Variants in CASP6 observed in about 807,000 individuals in gnomAD.
CASP6 encodes the protein caspase-6.
Under a neutral mutation model 31.8 loss-of-function variants are expected in CASP6, and 20 were observed. The ratio of observed to expected loss-of-function variants is 0.63; its 90% CI spans 0.44 to 0.91. The LOEUF (loss-of-function observed/expected upper bound fraction) is 0.91. Ranked by LOEUF, CASP6 falls within the 40% of genes least tolerant of loss-of-function variation. The pLI is 0.00. For synonymous variants in CASP6, 130 were observed against 127.8 expected, an observed-to-expected ratio of 1.02 and a Z score of -0.12; for missense variants, 328 against 361.1, an observed-to-expected ratio of 0.91 and a Z score of 0.74.
At chr4:109,687,864 A>G (rs898466112), downstream of CASP6, 2 of 390,264 alleles carry the variant, frequency 5.1e-6, no homozygotes, top group South Asian at 6.5e-5. Flanking sequence ...TTTATTCTCT[A>G]TGTGGAGGTG....
At chr4:109,669,537 C>T in the CASP6 span, among the ~76,000 whole-genome samples, 1 of 152,018 alleles carries the variant, frequency 6.6e-6, no homozygotes, top group African/African-American at 2.4e-5. Context: ...CTCTGAGCTT[C>T]CTGGATCTGT....
chr4:109,681,765 G>A, the CASP6 span, among the ~76,000 whole-genome samples: 2 of 152,208 alleles, frequency 1.3e-5, no homozygotes, highest in Non-Finnish European at 2.9e-5. Context: ...TGCTGGATCC[G>A]GAAGAATGTA....
upstream of CASP6, among the ~76,000 whole-genome samples, chr4:109,704,028 T>C (rs1730524302): frequency 6.6e-6 from 1 of 152,186 alleles, no homozygotes; most frequent in Non-Finnish European, 1.5e-5. Context: ...TGAACCGCGC[T>C]CATAAAGGAA....
the CASP6 span, chr4:109,682,628 T>C: frequency 0.67 from 1,079,502 of 1,611,688 alleles, 363,821 homozygotes; most frequent in African/African-American, 0.82. Flanking sequence ...ACATGAAATC[T>C]TTGGTTCACA....
At chr4:109,696,315 C>G in intron 4 of CASP6, 95 bp downstream of exon 4, 1 of 860,962 alleles carries the variant, frequency 1.2e-6, no homozygotes, top group Middle Eastern at 2.4e-4. Context: ...CTTTTTTTGT[C>G]ACACAAGTAA....
chr4:109,690,959 T>G lies in CASP6; in HGVS notation c.534A>C (p.Val178=). 1 of 1,613,954 alleles carries G rather than the reference T, an allele frequency of 6.2e-7. No individual in the cohort carries two copies. Among genetic ancestry groups the G allele is most frequent in the South Asian group, 1.1e-5 (1 of 91,020 alleles). Residue 178 remains valine, a synonymous_variant, in exon 6 of 7, where the codon GTA becomes GTC. Transcript: ENST00000265164. ...HDVPVIPLDV[V]DNQTEKLDTN... ...TGTCCAACTTCTCTGTCTGATTATC[T>G]ACTACATCCAAAGGAATGACTGGCA...
At chr4:109,682,590 A>G in the CASP6 span, 3 of 1,603,552 alleles carry the variant, frequency 1.9e-6, no homozygotes, top group Non-Finnish European at 2.6e-6. Flanking sequence ...AGAAAAACCA[A>G]GTAATGAGCA....
upstream of CASP6, among the ~76,000 whole-genome samples, chr4:109,706,144 TATATATATATATATATATATATATATAC>T (rs1359587182): frequency 2.5e-5 from 2 of 81,562 alleles, no homozygotes; most frequent in Non-Finnish European, 2.1e-5. Context: ...TATATATATA[TATATATATATATATATATATATATATAC>T]ACACACACAT....
intron 3 of CASP6, 128 bp from the exon 4 acceptor site, chr4:109,696,614 A>G: frequency 5.1e-6 from 3 of 592,116 alleles, no homozygotes; most frequent in Non-Finnish European, 8.9e-6. Context: ...AAAGAAATGA[A>G]ATATAACAAT....
chr4:109,679,032 C>T, the CASP6 span, among the ~76,000 whole-genome samples: 153 of 149,384 alleles, frequency 1.0e-3, no homozygotes, highest in Non-Finnish European at 1.9e-3. Context: ...TGGGCAGAGG[C>T]GCTCCTCTCT....
chr4:109,705,993 AAAAAAAAAATATATATAT>A (rs1191854595), upstream of CASP6, among the ~76,000 whole-genome samples: 88 of 67,816 alleles, frequency 1.3e-3, no homozygotes, highest in Middle Eastern at 5.9e-3. Context: ...AAAAAAAAAA[AAAAAAAAAATATATATAT>A]ATATATATAT....
At chr4:109,683,414 T>C in the CASP6 span, among the ~76,000 whole-genome samples, 1 of 152,172 alleles carries the variant, frequency 6.6e-6, no homozygotes, top group Non-Finnish European at 1.5e-5. Context: ...GAGGGACTTG[T>C]TTGGTTTTTT....
intron 1 of CASP6, among the ~76,000 whole-genome samples, chr4:109,699,169 C>A (rs187334913): frequency 2.8e-4 from 42 of 152,294 alleles, no homozygotes; most frequent in African/African-American, 1.0e-3. Context: ...ACAATAAAGG[C>A]CCCATCCACT....
chr4:109,681,597 G>A, the CASP6 span: 6,093 of 307,710 alleles, frequency 0.02, 369 homozygotes, highest in African/African-American at 0.12. Flanking sequence ...ATTAGAAGTC[G>A]TGGGTCACGG....
intron 5 of CASP6, among the ~76,000 whole-genome samples, chr4:109,693,570 C>T (rs1730141214): frequency 6.6e-6 from 1 of 151,584 alleles, no homozygotes; most frequent in African/African-American, 2.4e-5. Flanking sequence ...GCCTGTAATC[C>T]CAGCTACTCG....
At chr4:109,709,364 T>A in the CASP6 span, among the ~76,000 whole-genome samples, 11 of 152,200 alleles carry the variant, frequency 7.2e-5, no homozygotes, top group African/African-American at 2.7e-4. Context: ...TACCAAGCAC[T>A]CTCTTCCCTC....
At chr4:109,687,599 A>G (rs746521336), downstream of CASP6, 4 of 1,581,430 alleles carry the variant, frequency 2.5e-6, no homozygotes, top group Non-Finnish European at 3.5e-6. Flanking sequence ...TTAATCTTAC[A>G]GTTTTAAATG....
At chr4:109,691,381 G>A (rs3181191) in intron 5 of CASP6, among the ~76,000 whole-genome samples, 106,503 of 152,046 alleles carry the variant, frequency 0.7, 37,872 homozygotes, top group African/African-American at 0.82. Context: ...AAGTGTTTCT[G>A]TTTAGGCAGG....
chr4:109,671,674 A>G, the CASP6 span, among the ~76,000 whole-genome samples: 6 of 152,186 alleles, frequency 3.9e-5, no homozygotes, highest in Non-Finnish European at 8.8e-5. Flanking sequence ...TTGCTTTACT[A>G]TCCTACTCTG....
Sources: allele counts gnomAD v4.1 joint callset (sites outside exome capture counted in the v4.1 genomes callset), GRCh38; gene constraint gnomAD v4.1.1; transcripts MANE v1.5; gene names NCBI Gene and HGNC (gene_info 2026-07-23, HGNC 2026-07-21).